Variants in PLXNC1 observed in about 807,000 individuals in gnomAD.
PLXNC1 encodes plexin C1.
In PLXNC1, 75 loss-of-function variants were observed where a neutral mutation model predicts 178.2. The ratio of observed to expected loss-of-function variants is 0.42; its 90% CI spans 0.35 to 0.51. The LOEUF (loss-of-function observed/expected upper bound fraction) is 0.51, where lower values mean the gene tolerates loss of function less well. Ranked by LOEUF, PLXNC1 falls within the 20% of genes least tolerant of loss-of-function variation. The pLI is 0.02. For missense variants in PLXNC1, 1,503 were observed against 1,984.4 expected, an observed-to-expected ratio of 0.76 and a Z score of 4.61; for synonymous variants, 790 against 779.9, an observed-to-expected ratio of 1.01 and a Z score of -0.22.
chr12:94,286,418 G>A (rs1047527847), intron 23 of PLXNC1, among the ~76,000 whole-genome samples: 4 of 152,010 alleles, frequency 2.6e-5, no homozygotes, highest in African/African-American at 9.7e-5. Context: ...ATCTATATTT[G>A]ATTAAGCAGC....
intron 2 of PLXNC1, among the ~76,000 whole-genome samples, chr12:94,177,006 TC>T (rs1423156826): frequency 1.2e-4 from 18 of 150,972 alleles, no homozygotes; most frequent in African/African-American, 4.4e-4. Context: ...TTTAATCTTT[TC>T]TTTATAACAT....
rs767462972 is a variant in PLXNC1, at chr12:94,149,922, C to T, written c.951C>T (p.Gly317=). 1 of 1,587,448 alleles carries T rather than the reference C, an allele frequency of 6.3e-7. No homozygotes were observed. Among genetic ancestry groups the T allele is most frequent in the South Asian group, 1.1e-5 (1 of 87,636 alleles). Residue 317 remains glycine (G), a synonymous_variant, in exon 1 of 31, where the codon GGC becomes GGT. Coordinates refer to ENST00000258526, the MANE Select transcript of PLXNC1 (RefSeq NM_005761.3). Reference sequence around the variant, plus strand: ...TGTTCAGCGCGGCCGCTGGAGAGGGCCAGGAGCGGCGCTCCCCCACCACCA... The same window carrying T: ...TGTTCAGCGCGGCCGCTGGAGAGGGTCAGGAGCGGCGCTCCCCCACCACCA... ...AGVFSAAAGE[G]QERRSPTTTA...
At chr12:94,275,669 CGG>C (rs1965882982) in intron 21 of PLXNC1, among the ~76,000 whole-genome samples, 1 of 96,638 alleles carries the variant, frequency 1.0e-5, no homozygotes, top group African/African-American at 4.3e-5. Context: ...CCGGCTAAAA[CGG>C]TGAAACCCCG....
At chr12:94,150,057 G>A in intron 1 of PLXNC1, 24 bp downstream of exon 1, 1 of 1,527,938 alleles carries the variant, frequency 6.5e-7, no homozygotes, top group Non-Finnish European at 8.8e-7. Flanking sequence ...CCGGGGCGCC[G>A]CGGAGAGCGC....
intron 9 of PLXNC1, among the ~76,000 whole-genome samples, chr12:94,230,440 A>G (rs1964066814): frequency 6.6e-6 from 1 of 152,166 alleles, no homozygotes; most frequent in Admixed American, 6.5e-5. Flanking sequence ...TCACCACAAG[A>G]GAAGAAGAAG....
chr12:94,233,684 A>G (rs1462360727), intron 9 of PLXNC1, among the ~76,000 whole-genome samples: 1 of 152,104 alleles, frequency 6.6e-6, no homozygotes, highest in African/African-American at 2.4e-5. Flanking sequence ...CCCCCGTGAA[A>G]AGGCATTTGT....
At chr12:94,299,661 GC>G (rs1968271692) in intron 27 of PLXNC1, among the ~76,000 whole-genome samples, 1 of 152,078 alleles carries the variant, frequency 6.6e-6, no homozygotes, top group African/African-American at 2.4e-5. Flanking sequence ...CTGGGCTCAA[GC>G]AATTCTCCCA....
At chr12:94,300,801 G>A (rs1235365842) in intron 27 of PLXNC1, 109 bp from the exon 28 acceptor site, 2 of 971,266 alleles carry the variant, frequency 2.1e-6, no homozygotes, top group Non-Finnish European at 3.0e-6. Context: ...AAGCAGAGTT[G>A]TATACTTCAA....
At chr12:94,255,635 T>C (rs950082148) in intron 17 of PLXNC1, among the ~76,000 whole-genome samples, 7 of 152,128 alleles carry the variant, frequency 4.6e-5, no homozygotes, top group African/African-American at 1.7e-4. Context: ...AATCAATAAA[T>C]TGTGAGCTAG....
At chr12:94,285,430 G>C (rs1966778396) in intron 23 of PLXNC1, among the ~76,000 whole-genome samples, 1 of 152,180 alleles carries the variant, frequency 6.6e-6, no homozygotes, top group Non-Finnish European at 1.5e-5. Flanking sequence ...CTGAGGTGCT[G>C]CCCCTGTGGC....
At chr12:94,165,586 T>A (rs1961580560) in intron 1 of PLXNC1, among the ~76,000 whole-genome samples, 1 of 149,258 alleles carries the variant, frequency 6.7e-6, no homozygotes, top group Non-Finnish European at 1.5e-5. Context: ...TGCAGTTTAG[T>A]GTCCGCTCCA....
chr12:94,213,635 G>A (rs1225316306), intron 5 of PLXNC1, among the ~76,000 whole-genome samples: 26 of 152,206 alleles, frequency 1.7e-4, no homozygotes, highest in East Asian at 3.9e-4. Context: ...TTCTTTTGCC[G>A]TGCAGAAGCT....
At chr12:94,233,060 C>G (rs1268823671) in intron 9 of PLXNC1, among the ~76,000 whole-genome samples, 1 of 152,160 alleles carries the variant, frequency 6.6e-6, no homozygotes, top group East Asian at 1.9e-4. Flanking sequence ...AAAGCCTGCC[C>G]CCGATCCATG....
chr12:94,151,941 C>T (rs1960974692), intron 1 of PLXNC1, among the ~76,000 whole-genome samples: 1 of 152,088 alleles, frequency 6.6e-6, no homozygotes, highest in Non-Finnish European at 1.5e-5. Context: ...GAGAGCTGCC[C>T]CTTGGAAATC....
At chr12:94,273,691 G>GT (rs1334237009) in intron 21 of PLXNC1, among the ~76,000 whole-genome samples, 1 of 152,108 alleles carries the variant, frequency 6.6e-6, no homozygotes, top group Admixed American at 6.5e-5. Context: ...ATGAGTACAG[G>GT]TTCTGATTTG....
At chr12:94,256,919 G>C (rs1451126933) in intron 17 of PLXNC1, among the ~76,000 whole-genome samples, 1 of 150,980 alleles carries the variant, frequency 6.6e-6, no homozygotes, top group African/African-American at 2.4e-5. Flanking sequence ...TTGCAAAGGA[G>C]GCAAACTGAT....
At position 94,186,386 on chromosome 12, in the gene PLXNC1, G is replaced by T; in HGVS notation, c.1352G>T (p.Arg451Leu). Residue 451 changes from arginine (R) to leucine (L), a missense_variant, in exon 4 of 31, where the codon CGT (arginine) becomes CTT (leucine). Physicochemically the swap from Arg to Leu is moderately radical, Grantham distance 102 (BLOSUM62 -2). Coordinates refer to ENST00000258526, the MANE Select transcript of PLXNC1 (RefSeq NM_005761.3). ...LTAGKEVRRI[R>L]VANCNKHKSC... is the part of the protein sequence containing the mutation. ...CTTTCCTTTTAGGTGAGGAGAATTC[G>T]TGTTGCAAACTGCAATAAACATAAA... 6.2e-7 allele frequency: 1 copy of T among 1,611,578 alleles called. No individual in the cohort carries two copies. Among genetic ancestry groups the T allele is most frequent in the South Asian group, 1.1e-5 (1 of 91,032 alleles).
chr12:94,175,355 C>A (rs772509536), intron 2 of PLXNC1, among the ~76,000 whole-genome samples: 2 of 152,160 alleles, frequency 1.3e-5, no homozygotes, highest in Non-Finnish European at 2.9e-5. Context: ...TTTTTGAACA[C>A]CCGTGGCTTT....
chr12:94,207,316 G>A (rs1416251183), intron 4 of PLXNC1, among the ~76,000 whole-genome samples: 2 of 151,974 alleles, frequency 1.3e-5, no homozygotes, highest in South Asian at 2.1e-4. Context: ...AATAAAAAAT[G>A]AAAGGTTCAT....
Sources: allele counts gnomAD v4.1 joint callset (sites outside exome capture counted in the v4.1 genomes callset), GRCh38; gene constraint gnomAD v4.1.1; transcripts MANE v1.5; gene names NCBI Gene and HGNC (gene_info 2026-07-23, HGNC 2026-07-21).